GOT1: variants seen among roughly 807,000 people sequenced by gnomAD.
GOT1 encodes the protein aspartate aminotransferase, cytoplasmic.
Under a neutral mutation model 48.2 loss-of-function variants are expected in GOT1, and 25 were observed. The observed-to-expected ratio is 0.52, with a 90% confidence interval of 0.38 to 0.72. The LOEUF (loss-of-function observed/expected upper bound fraction) is 0.72, where lower values mean the gene tolerates loss of function less well. GOT1 is among the 30% of genes least tolerant of loss of function. GOT1 has a pLI of 0.00. For missense variants in GOT1, 380 were observed against 520.1 expected (o/e 0.73, Z 2.62); for synonymous variants, 188 against 193.8 (o/e 0.97, Z 0.25).
intron 1 of GOT1, among the ~76,000 whole-genome samples, chr10:99,423,174 A>G (rs775179668): frequency 1.3e-5 from 2 of 152,208 alleles, no homozygotes; most frequent in Non-Finnish European, 2.9e-5. Context: ...TTGCCAATAT[A>G]ATATGTCAAG....
intron 3 of GOT1, 76 bp from the exon 4 acceptor site, chr10:99,406,325 T>G (rs2032754966): frequency 2.0e-6 from 2 of 993,070 alleles, no homozygotes; most frequent in Non-Finnish European, 3.2e-6. Context: ...CAAGTCAGCT[T>G]CCAGGGCCCT....
In GOT1 at chr10:99,427,564, T is replaced by C. The variant is rs575215110; in HGVS notation, c.118+2884A>G. ...GATTACAGGCGTGAGCCACCATGCCTGGCCCAGTAGAATCTTAAGAGTAGA... is the reference window on the plus strand; with the variant it reads ...GATTACAGGCGTGAGCCACCATGCCCGGCCCAGTAGAATCTTAAGAGTAGA... On this transcript the variant is annotated intron_variant, in intron 1 of 8. Coordinates refer to ENST00000370508, the MANE Select transcript of GOT1 (RefSeq NM_002079.3). 3.9e-5 allele frequency among the ~76,000 whole-genome samples: 6 copies of C among 152,324 alleles called. No individual in the cohort carries two copies. The South Asian group carries it at 6.2e-4, about 16-fold the overall frequency.
chr10:99,415,796 T>G (rs1039344573), intron 2 of GOT1, among the ~76,000 whole-genome samples: 2 of 152,040 alleles, frequency 1.3e-5, no homozygotes, highest in African/African-American at 4.8e-5. Context: ...CATACACAAA[T>G]CAATAAACGT....
chr10:99,424,064 A>G (rs1362560196), intron 1 of GOT1, among the ~76,000 whole-genome samples: 1 of 152,196 alleles, frequency 6.6e-6, no homozygotes, highest in Non-Finnish European at 1.5e-5. Flanking sequence ...TGGCTTCTCT[A>G]AAGATGTACC....
intron 2 of GOT1, among the ~76,000 whole-genome samples, chr10:99,415,034 A>G (rs2134104307): frequency 1.3e-5 from 2 of 152,356 alleles, no homozygotes; most frequent in Non-Finnish European, 2.9e-5. Context: ...TAAAAGAACT[A>G]GAGAAGCAAG....
intron 8 of GOT1, among the ~76,000 whole-genome samples, chr10:99,401,332 G>C (rs760431545): frequency 1.3e-5 from 2 of 152,134 alleles, no homozygotes; most frequent in African/African-American, 2.4e-5. Flanking sequence ...CACAATACAA[G>C]CTCTATTAAC....
chr10:99,430,146 T>G, intron 1 of GOT1: 2 of 617,902 alleles, frequency 3.2e-6, no homozygotes, highest in East Asian at 4.6e-5. Context: ...GGCAGCCTCA[T>G]TTCTTAGGAG....
chr10:99,403,902 A>T (rs969191496), intron 5 of GOT1, 28 bp from the exon 6 acceptor site: 2 of 1,611,894 alleles, frequency 1.2e-6, no homozygotes, highest in African/African-American at 2.7e-5. Flanking sequence ...GAGTCAGGGC[A>T]GGAAATCCTT....
intron 2 of GOT1, among the ~76,000 whole-genome samples, chr10:99,410,010 T>C (rs1390900456): frequency 6.6e-6 from 1 of 152,208 alleles, no homozygotes; most frequent in Non-Finnish European, 1.5e-5. Flanking sequence ...GAACTAAACA[T>C]AGCTGTACAT....
chr10:99,423,550 T>A (rs985048924), intron 1 of GOT1, among the ~76,000 whole-genome samples: 1 of 152,240 alleles, frequency 6.6e-6, no homozygotes, highest in Non-Finnish European at 1.5e-5. Flanking sequence ...GGCTACAGAC[T>A]GACAGAGCCA....
chr10:99,397,389 C>T lies in GOT1; in HGVS notation c.*158G>A. ...CCAAATTCGTCTCAAGGGATGTTCT[C>T]TTCATGTGGGGCCGGTTTAAACAGA... On this transcript the variant is annotated 3_prime_UTR_variant, in exon 9 of 9. Coordinates refer to ENST00000370508, the MANE Select transcript of GOT1 (RefSeq NM_002079.3). This position sits in a 1 kb window ranked among gnomAD's most constrained non-coding sequence, Gnocchi z 5.4. 1 of 735,764 alleles carries T rather than the reference C, an allele frequency of 1.4e-6. No individual in the cohort carries two copies. Among genetic ancestry groups the T allele is most frequent in the Non-Finnish European group, 2.4e-6 (1 of 425,256 alleles). 45.6% of individuals were successfully genotyped at this position (735,764 alleles called of 1,614,324 possible).
At chr10:99,406,340 G>A in intron 3 of GOT1, 91 bp from the exon 4 acceptor site, 1 of 862,184 alleles carries the variant, frequency 1.2e-6, no homozygotes, top group Non-Finnish European at 2.0e-6. Flanking sequence ...GGCCCTCCCA[G>A]GCTCAATGTC....
chr10:99,429,890 C>G (rs1046099341), intron 1 of GOT1, among the ~76,000 whole-genome samples: 8 of 152,182 alleles, frequency 5.3e-5, no homozygotes, highest in Non-Finnish European at 7.3e-5. Flanking sequence ...CCGGGGGCAG[C>G]ATTAACCTGT....
intron 1 of GOT1, 135 bp downstream of exon 1, chr10:99,430,313 T>C: frequency 6.3e-7 from 1 of 1,596,496 alleles, no homozygotes. Context: ...CCTTCGTGGA[T>C]CCAGCCTCCT....
intron 2 of GOT1, chr10:99,420,419 TG>T: frequency 1.9e-6 from 1 of 517,692 alleles, no homozygotes; most frequent in South Asian, 2.8e-5. Context: ...GATGATCTAC[TG>T]GGCAAAACTG....
chr10:99,403,177 T>C (rs2032703561), intron 7 of GOT1, among the ~76,000 whole-genome samples: 1 of 151,894 alleles, frequency 6.6e-6, no homozygotes, highest in African/African-American at 2.4e-5. Context: ...TCTATTTTGC[T>C]GGGAATACCT....
At chr10:99,410,686 C>T (rs2032817480) in intron 2 of GOT1, among the ~76,000 whole-genome samples, 1 of 152,156 alleles carries the variant, frequency 6.6e-6, no homozygotes, top group African/African-American at 2.4e-5. Context: ...CTAACAGAAA[C>T]AAGTTTTTGG....
At chr10:99,425,702 G>C (rs528814763) in intron 1 of GOT1, among the ~76,000 whole-genome samples, 12 of 152,296 alleles carry the variant, frequency 7.9e-5, no homozygotes, top group Middle Eastern at 6.8e-3. Flanking sequence ...TCTGGATAAT[G>C]AGTGGATGGT....
chr10:99,414,876 G>C (rs1343106831), intron 2 of GOT1, among the ~76,000 whole-genome samples: 1 of 141,232 alleles, frequency 7.1e-6, no homozygotes, highest in African/African-American at 2.6e-5. Context: ...AGACATAAAG[G>C]TGTTCTTTGA....
Sources: allele counts gnomAD v4.1 joint callset (sites outside exome capture counted in the v4.1 genomes callset), GRCh38; gene constraint gnomAD v4.1.1; non-coding constraint Gnocchi (gnomAD v3.1); transcripts MANE v1.5; gene names NCBI Gene and HGNC (gene_info 2026-07-23, HGNC 2026-07-21).